Variants in SURF4 observed in about 807,000 individuals in gnomAD.
The protein encoded by SURF4 is surfeit 4, also known as surfeit locus protein 4.
SURF4 carries 3 observed loss-of-function variants against 30.0 expected under a neutral mutation model. The observed-to-expected ratio is 0.10, with a 90% CI of 0.05 to 0.26. SURF4 has a LOEUF of 0.26. Ranked by LOEUF, SURF4 falls within the 10% of genes least tolerant of loss-of-function variation. The pLI, the probability that SURF4 is intolerant of heterozygous loss-of-function variation, is 1.00. For missense variants in SURF4, 217 were observed against 350.8 expected, an observed-to-expected ratio of 0.62 and a Z score of 3.05; for synonymous variants, 143 against 139.9, an observed-to-expected ratio of 1.02 and a Z score of -0.16.
intron 3 of SURF4, 183 bp from the exon 4 acceptor site, chr9:133,366,211 G>A (rs1191217527): frequency 1.6e-6 from 1 of 617,894 alleles, no homozygotes. Flanking sequence ...CAAGAAATGT[G>A]CTATGATGTT....
chr9:133,368,621 T>C lies in SURF4; in HGVS notation c.49-1176A>G, dbSNP rs190245665. On this transcript the variant is annotated intron_variant, in intron 1 of 5. Coordinates refer to ENST00000371989, the MANE Select transcript of SURF4 (RefSeq NM_033161.4). Reference sequence around the variant, plus strand: ...ATGAAACGCAAGTGTGTGAAATCACTGTCAAATGTCAAAGGGAAAGAAAAC... The same window carrying C: ...ATGAAACGCAAGTGTGTGAAATCACCGTCAAATGTCAAAGGGAAAGAAAAC... Among the ~76,000 whole-genome samples the C allele has an allele frequency of 3.9e-5, 6 of 152,350 alleles. No individual in the cohort carries two copies. The East Asian group carries it at 9.6e-4, about 24-fold the overall frequency.
chr9:133,364,552 C>T (rs2130104201), intron 5 of SURF4, among the ~76,000 whole-genome samples: 3 of 152,008 alleles, frequency 2.0e-5, no homozygotes, highest in Admixed American at 6.5e-5. Context: ...ATTAGCCAGG[C>T]GTGTTGGCAG....
rs2130090055 is a variant in SURF4, at chr9:133,363,655, G to A, written c.648C>T (p.Asn216=). 39 of 1,614,094 alleles carry A rather than the reference G, an allele frequency of 2.4e-5. No individual in the cohort carries two copies. The highest frequency in any genetic ancestry group is 2.2e-4 in the East Asian group (10 of 44,902). Residue 216 remains asparagine, a synonymous_variant, in exon 6 of 6, where the codon AAC becomes AAT. Transcript: ENST00000371989. The surrounding 1 kb of genome is among the most constrained non-coding windows in gnomAD (Gnocchi z 4.3). The part of the protein sequence containing the change: ...LTLVVWLFAI[N]VYFNAFWTIP... Reference sequence around the variant, plus strand: ...TGGTCCAGAAGGCGTTGAAATATACGTTGATGGCAAAGAGCCACACAACAA... The same window carrying A: ...TGGTCCAGAAGGCGTTGAAATATACATTGATGGCAAAGAGCCACACAACAA...
At chr9:133,364,072 C>T (rs972444554) in intron 5 of SURF4, among the ~76,000 whole-genome samples, 1 of 152,200 alleles carries the variant, frequency 6.6e-6, no homozygotes, top group African/African-American at 2.4e-5. Flanking sequence ...CCCAGCCATC[C>T]AGGCCAGAAA....
Position 133,363,696 on chromosome 9 carries a change from G to A in SURF4, c.607C>T (p.Leu203=), listed in dbSNP as rs2130090855. 6.2e-7 allele frequency: 1 copy of A among 1,614,228 alleles called. No individual in the cohort carries two copies. The highest frequency in any genetic ancestry group is 1.1e-5 in the South Asian group (1 of 91,086). Residue 203 remains leucine, a synonymous_variant, in exon 6 of 6, where the codon CTG becomes TTG. Coordinates refer to ENST00000371989, the MANE Select transcript of SURF4 (RefSeq NM_033161.4). This position sits in a 1 kb window ranked among gnomAD's most constrained non-coding sequence, Gnocchi z 4.3. The stretch of plus-strand genomic sequence containing the variant: ...CACACAACAAGAGTCAAAGCAGCCA[G>A]CTTGGTTTTAAAACCAATGGCCACT... ...ILVAIGFKTK[L]AALTLVVWLF... is the part of the protein sequence containing the mutation.
intron 1 of SURF4, among the ~76,000 whole-genome samples, chr9:133,373,880 T>C (rs1221321385): frequency 8.4e-6 from 1 of 119,350 alleles, no homozygotes; most frequent in Non-Finnish European, 1.6e-5. Context: ...ATCGCACCAT[T>C]ACACTCCAGC....
At chr9:133,365,245 T>A (rs1588707894) in intron 4 of SURF4, among the ~76,000 whole-genome samples, 1 of 151,948 alleles carries the variant, frequency 6.6e-6, no homozygotes, top group East Asian at 1.9e-4. Flanking sequence ...GAGACAGAGG[T>A]ATCTTTACAA....
In SURF4 at chr9:133,363,604, G is replaced by A; in HGVS notation, c.699C>T (p.Asp233=). The A allele has an allele frequency of 6.2e-7, 1 of 1,614,202 alleles. No homozygotes were observed. The highest frequency in any genetic ancestry group is 8.5e-7 in the Non-Finnish European group (1 of 1,180,038). ...WTIPVYKPMH[D]FLKYDFFQTM... ...TCTGGAAGAAGTCGTATTTCAGGAA[G>A]TCATGCATGGGCTTGTAGACTGGAA... The change falls in exon 6 of 6, where the codon GAC becomes GAT. Residue 233 remains aspartate, a synonymous_variant. Transcript: ENST00000371989. This position sits in a 1 kb window ranked among gnomAD's most constrained non-coding sequence, Gnocchi z 4.3.
At chr9:133,367,117 TG>T in intron 2 of SURF4, 141 bp downstream of exon 2, 2 of 1,144,584 alleles carry the variant, frequency 1.7e-6, no homozygotes, top group Non-Finnish European at 2.4e-6. Flanking sequence ...ACTCCTGGCC[TG>T]GCACAGCTGA....
upstream of SURF4, chr9:133,376,496 G>A: frequency 6.3e-7 from 1 of 1,596,248 alleles, no homozygotes; most frequent in African/African-American, 1.3e-5. Flanking sequence ...GGGTCCAATC[G>A]CAGGCGCCCC....
At chr9:133,376,992 A>G (rs2130252486), upstream of SURF4, among the ~76,000 whole-genome samples, 8 of 152,244 alleles carry the variant, frequency 5.3e-5, no homozygotes, top group African/African-American at 1.4e-4. Context: ...AAGCTGCAAA[A>G]TAAAAGTAAA....
At chr9:133,376,557 C>A (rs2130249327), upstream of SURF4, 92 of 1,594,874 alleles carry the variant, frequency 5.8e-5, 1 homozygote, top group South Asian at 9.5e-4. Context: ...TGGAGAAGTA[C>A]CAGGTGCCGA....
upstream of SURF4, chr9:133,376,575 C>T (rs182135120): frequency 1.3e-6 from 2 of 1,575,766 alleles, no homozygotes; most frequent in Non-Finnish European, 1.7e-6. Context: ...CGAGTGTTCC[C>T]TGCGGGGAGG....
chr9:133,368,851 T>A (rs1179902397), intron 1 of SURF4, among the ~76,000 whole-genome samples: 1 of 152,052 alleles, frequency 6.6e-6, no homozygotes, highest in African/African-American at 2.4e-5. Context: ...AGGGGACCCA[T>A]CCACCAACGC....
upstream of SURF4, among the ~76,000 whole-genome samples, chr9:133,377,556 G>A (rs1321978464): frequency 2.0e-5 from 3 of 152,174 alleles, no homozygotes; most frequent in Non-Finnish European, 2.9e-5. Context: ...ACAGCTACTC[G>A]GGAGGCTGAG....
At chr9:133,371,238 A>AAAT in intron 1 of SURF4, 2 of 617,052 alleles carry the variant, frequency 3.2e-6, no homozygotes, top group Non-Finnish European at 4.1e-6. Context: ...ATCACCAAGG[A>AAAT]CTGGGGCTGC....
intron 1 of SURF4, among the ~76,000 whole-genome samples, chr9:133,368,372 G>T (rs2130157563): frequency 3.3e-4 from 50 of 152,346 alleles, no homozygotes; most frequent in South Asian, 1.5e-3. Flanking sequence ...TCTGGACAGC[G>T]CATGTGTGCT....
chr9:133,363,254 G>A lies in SURF4; in HGVS notation c.*239C>T, dbSNP rs2130083695. 3.6e-4 allele frequency: 257 copies of A among 710,904 alleles called. No homozygotes were observed. Among genetic ancestry groups the A allele is most frequent in the Admixed American group, 7.6e-4 (33 of 43,230 alleles). 44.0% of individuals were successfully genotyped at this position (710,904 alleles called of 1,614,324 possible). On this transcript the variant is annotated 3_prime_UTR_variant, in exon 6 of 6. Transcript: ENST00000371989. This position sits in a 1 kb window ranked among gnomAD's most constrained non-coding sequence, Gnocchi z 4.3. ...CACTCCAAAGCCTCGGCGTGGGGGA[G>A]GCTTCCAGCTGCCAGGCTGGCCTGC...
At chr9:133,365,962 A>T (rs1244712283) in intron 4 of SURF4, 23 bp downstream of exon 4, 1 of 1,612,930 alleles carries the variant, frequency 6.2e-7, no homozygotes, top group African/African-American at 1.3e-5. Flanking sequence ...AGCGTATACT[A>T]AAACCAACCA....
Sources: allele counts gnomAD v4.1 joint callset (sites outside exome capture counted in the v4.1 genomes callset), GRCh38; gene constraint gnomAD v4.1.1; non-coding constraint Gnocchi (gnomAD v3.1); transcripts MANE v1.5; gene names NCBI Gene and HGNC (gene_info 2026-07-23, HGNC 2026-07-21).